DTNA: variants seen among roughly 807,000 people sequenced by gnomAD.
DTNA encodes the protein dystrophin-related protein 3.
DTNA carries 43 observed loss-of-function variants against 100.7 expected under a neutral mutation model. The ratio of observed to expected loss-of-function variants is 0.43; its 90% CI spans 0.33 to 0.55. The LOEUF (loss-of-function observed/expected upper bound fraction) is 0.55, where lower values mean the gene tolerates loss of function less well. Among genes scored for constraint, DTNA ranks in the 20% least tolerant of loss-of-function variants. The probability of loss-of-function intolerance (pLI) is 0.04; values close to 1 mark genes in which losing one functional copy is unlikely to be tolerated. For missense variants in DTNA, 798 were observed against 953.9 expected (o/e 0.84, Z 2.15); for synonymous variants, 349 against 347.9 (o/e 1.00, Z -0.04).
intron 9 of DTNA, among the ~76,000 whole-genome samples, chr18:34,823,348 A>C (rs2095774063): frequency 6.6e-6 from 1 of 152,270 alleles, no homozygotes; most frequent in Admixed American, 6.5e-5. Context: ...TTGATAAATT[A>C]GACAAAAATA....
chr18:34,671,032 G>GAGGC (rs1025847045), intron 1 of DTNA, among the ~76,000 whole-genome samples: 6 of 152,208 alleles, frequency 3.9e-5, no homozygotes, highest in African/African-American at 7.2e-5. Context: ...GGAGTCTACA[G>GAGGC]AGGCAGGCAG....
At chr18:34,634,584 C>G (rs950593527) in intron 1 of DTNA, among the ~76,000 whole-genome samples, 4 of 152,086 alleles carry the variant, frequency 2.6e-5, no homozygotes, top group Non-Finnish European at 5.9e-5. Flanking sequence ...GAAGAAAATC[C>G]AGTCTCACAC....
chr18:34,744,426 C>G (rs559345351), intron 1 of DTNA, among the ~76,000 whole-genome samples: 1 of 152,066 alleles, frequency 6.6e-6, no homozygotes, highest in Non-Finnish European at 1.5e-5. Context: ...ATTTCTTTTC[C>G]CACCATAATT....
At chr18:34,762,856 G>A (rs1416922641) in intron 2 of DTNA, among the ~76,000 whole-genome samples, 1 of 152,192 alleles carries the variant, frequency 6.6e-6, no homozygotes, top group Non-Finnish European at 1.5e-5. Flanking sequence ...CACAGGGTCA[G>A]TTAAGTCCAC....
intron 7 of DTNA, among the ~76,000 whole-genome samples, chr18:34,816,981 C>A (rs766445894): frequency 6.6e-6 from 1 of 152,128 alleles, no homozygotes; most frequent in Non-Finnish European, 1.5e-5. Flanking sequence ...TATCCATATG[C>A]AGAAGCGAAG....
At position 34,824,062 on chromosome 18, in the gene DTNA, A is replaced by C. The variant is rs533772982; in HGVS notation, c.1001+3147A>C. 7.9e-5 allele frequency among the ~76,000 whole-genome samples: 12 copies of C among 152,376 alleles called. No homozygotes were observed. In the South Asian group the frequency reaches 2.5e-3, roughly 32 times the overall value. On this transcript the variant is annotated intron_variant, in intron 9 of 22. Transcript: ENST00000444659. ...GATGTACATGTTTAAGTGAAGGATA[A>C]CTGTATGTCCTTACATAGTGCTGAA...
chr18:34,499,566 T>C (rs2039668650), intron 1 of DTNA, among the ~76,000 whole-genome samples: 1 of 152,230 alleles, frequency 6.6e-6, no homozygotes, highest in East Asian at 1.9e-4. Context: ...AGAGTGGATG[T>C]GCCATTTTAC....
At position 34,888,927 on chromosome 18, in the gene DTNA, T is replaced by C. The variant is rs762273843; in HGVS notation, c.*1193T>C. The C allele has an allele frequency of 5.7e-4, 557 of 985,738 alleles. No individual in the cohort carries two copies. Among genetic ancestry groups the C allele is most frequent in the Non-Finnish European group, 6.5e-4 (539 of 829,950 alleles). The allele number at this position is 985,738 out of a possible 1,614,324, so 61.1% of individuals were successfully genotyped here. A position where few individuals can be genotyped will look rare whatever the true frequency, so the allele number is the denominator to read the frequency against. ...TTCTGCATGTAGCCTTCTGTGGTCATGTGAAAGGAGACAGGCTCTTCTAAG... is the reference window on the plus strand; with the variant it reads ...TTCTGCATGTAGCCTTCTGTGGTCACGTGAAAGGAGACAGGCTCTTCTAAG... On this transcript the variant is annotated 3_prime_UTR_variant, in exon 23 of 23. Coordinates refer to ENST00000444659, the MANE Select transcript of DTNA (RefSeq NM_001386795.1).
chr18:34,732,653 A>G lies in DTNA; in HGVS notation c.-2+22208A>G, dbSNP rs563015904. Among the ~76,000 whole-genome samples, 136 of 152,354 alleles carry G rather than the reference A, an allele frequency of 8.9e-4. 1 individual carries two copies. The highest frequency in any genetic ancestry group is 3.8e-3 in the Admixed American group (58 of 15,300). Reference sequence around the variant, plus strand: ...AATAAAAATCAGCAAGCTGGAAAAGACATTCTTCTATAATCCCAAGCAAAG... The same window carrying G: ...AATAAAAATCAGCAAGCTGGAAAAGGCATTCTTCTATAATCCCAAGCAAAG... On this transcript the variant is annotated intron_variant, in intron 1 of 22. Coordinates refer to ENST00000444659, the MANE Select transcript of DTNA (RefSeq NM_001386795.1).
At chr18:34,682,339 C>T (rs1033940001) in intron 1 of DTNA, among the ~76,000 whole-genome samples, 4 of 152,022 alleles carry the variant, frequency 2.6e-5, no homozygotes, top group African/African-American at 7.2e-5. Context: ...AAAGTAATTG[C>T]GGTTTTGCCA....
intron 3 of DTNA, among the ~76,000 whole-genome samples, chr18:34,792,745 T>C (rs951366836): frequency 2.6e-5 from 4 of 152,214 alleles, no homozygotes; most frequent in Admixed American, 2.6e-4. Context: ...GGAAAATACT[T>C]TGGAACTTTC....
intron 1 of DTNA, among the ~76,000 whole-genome samples, chr18:34,754,398 A>C (rs560253629): frequency 6.6e-6 from 1 of 152,202 alleles, no homozygotes; most frequent in African/African-American, 2.4e-5. Flanking sequence ...TTGTGTCTTA[A>C]TTGCTTTTAT....
chr18:34,720,290 G>T (rs760204641), intron 1 of DTNA, among the ~76,000 whole-genome samples: 3 of 152,118 alleles, frequency 2.0e-5, no homozygotes, highest in Non-Finnish European at 4.4e-5. Flanking sequence ...TGTACAAAAA[G>T]AATTGTATGG....
Position 34,710,707 on chromosome 18 carries a change from A to G in DTNA, c.-2+262A>G, listed in dbSNP as rs1411429993. Among the ~76,000 whole-genome samples the G allele has an allele frequency of 3.3e-5, 5 of 151,708 alleles. No individual in the cohort carries two copies. In the East Asian group the frequency reaches 9.6e-4, roughly 29 times the overall value. On this transcript the variant is annotated intron_variant, in intron 1 of 22. Coordinates refer to ENST00000444659, the MANE Select transcript of DTNA (RefSeq NM_001386795.1). ...GTGTGTGTGTGTGTGTGTGTAAGTC[A>G]AAGAAAGAAAACTGCAAAGGAAGTA...
At chr18:34,611,764 C>T (rs1271089029) in intron 1 of DTNA, among the ~76,000 whole-genome samples, 1 of 152,126 alleles carries the variant, frequency 6.6e-6, no homozygotes, top group Non-Finnish European at 1.5e-5. Context: ...AGCTACTTCA[C>T]CTCACTGAAA....
intron 1 of DTNA, among the ~76,000 whole-genome samples, chr18:34,548,838 G>A (rs752497296): frequency 2.6e-5 from 4 of 152,012 alleles, no homozygotes. Context: ...TCTTTTTAAT[G>A]CTTGACCAAT....
chr18:34,568,601 A>C (rs2047293519), intron 1 of DTNA, among the ~76,000 whole-genome samples: 1 of 152,086 alleles, frequency 6.6e-6, no homozygotes, highest in Non-Finnish European at 1.5e-5. Flanking sequence ...TTATCCCTAA[A>C]GCATTTATAA....
chr18:34,749,537 G>T (rs1457643009), intron 1 of DTNA, among the ~76,000 whole-genome samples: 1 of 151,944 alleles, frequency 6.6e-6, no homozygotes, highest in Admixed American at 6.6e-5. Flanking sequence ...GGCAGTCATA[G>T]CCGAGAACTA....
At chr18:34,642,908 C>G (rs1034529722) in intron 1 of DTNA, among the ~76,000 whole-genome samples, 1 of 152,152 alleles carries the variant, frequency 6.6e-6, no homozygotes, top group Non-Finnish European at 1.5e-5. Flanking sequence ...TGTGAAATCT[C>G]TCTGCTTACA....
Sources: gnomAD v4.1 joint callset for allele counts (sites outside exome capture counted in the v4.1 genomes callset) on GRCh38, gnomAD v4.1.1 for gene constraint, MANE v1.5 for transcripts, NCBI Gene and HGNC (gene_info 2026-07-23, HGNC 2026-07-21) for gene names.